Variants in KIF26B observed in about 807,000 individuals in gnomAD.
KIF26B encodes kinesin-like protein KIF26B.
KIF26B carries 63 observed loss-of-function variants against 151.2 expected under a neutral mutation model. That is an observed-to-expected ratio of 0.42 (90% CI 0.34 to 0.51). The LOEUF is 0.51. KIF26B is among the 20% of genes least tolerant of loss of function. The probability of loss-of-function intolerance (pLI) is 0.07; values close to 1 mark genes in which losing one functional copy is unlikely to be tolerated. For synonymous variants in KIF26B, 1,357 were observed against 1,262.1 expected, an observed-to-expected ratio of 1.08 and a Z score of -1.59; for missense variants, 2,813 against 2,913.6, an observed-to-expected ratio of 0.97 and a Z score of 0.79.
intron 2 of KIF26B, among the ~76,000 whole-genome samples, chr1:245,330,306 G>T (rs1012653508): frequency 1.5e-4 from 21 of 142,516 alleles, no homozygotes; most frequent in African/African-American, 5.3e-4. Flanking sequence ...GGTGTGAGGG[G>T]CAGTCACATG....
chr1:245,464,572 G>T (rs1201547106), intron 4 of KIF26B, among the ~76,000 whole-genome samples: 1 of 145,178 alleles, frequency 6.9e-6, no homozygotes, highest in Non-Finnish European at 1.5e-5. Context: ...TGGGTGTGTG[G>T]GTGTGTGTGC....
At chr1:245,460,227 A>G (rs1279896713) in intron 4 of KIF26B, among the ~76,000 whole-genome samples, 1 of 152,158 alleles carries the variant, frequency 6.6e-6, no homozygotes, top group Non-Finnish European at 1.5e-5. Flanking sequence ...CGGCCTCCCA[A>G]AGTGCTGGGA....
intron 3 of KIF26B, among the ~76,000 whole-genome samples, chr1:245,373,403 C>G (rs1284041755): frequency 6.6e-6 from 1 of 152,158 alleles, no homozygotes; most frequent in Non-Finnish European, 1.5e-5. Context: ...TGGAAAGAAC[C>G]TCGCTGGCAT....
At chr1:245,685,238 C>T (rs755999743) in intron 11 of KIF26B, among the ~76,000 whole-genome samples, 167 bp from the exon 12 acceptor site, 20 of 152,210 alleles carry the variant, frequency 1.3e-4, no homozygotes, top group Non-Finnish European at 2.2e-4. Context: ...GATGTGACAC[C>T]GGGCGCGCGG....
At chr1:245,541,018 G>C (rs537545801) in intron 5 of KIF26B, 68 bp downstream of exon 5, 1 of 1,293,558 alleles carries the variant, frequency 7.7e-7, no homozygotes, top group African/African-American at 1.5e-5. Context: ...TCAGGAGGAA[G>C]AAAATGAGGC....
At chr1:245,304,689 A>ATC (rs1671503124) in intron 2 of KIF26B, among the ~76,000 whole-genome samples, 1 of 139,430 alleles carries the variant, frequency 7.2e-6, no homozygotes, top group Non-Finnish European at 1.6e-5. Flanking sequence ...ATCCATCCAT[A>ATC]CGTCCATCCC....
At chr1:245,665,000 C>G (rs2044198273) in intron 10 of KIF26B, among the ~76,000 whole-genome samples, 1 of 152,208 alleles carries the variant, frequency 6.6e-6, no homozygotes, top group African/African-American at 2.4e-5. Flanking sequence ...TGAATTTATT[C>G]ATACAACCAC....
intron 5 of KIF26B, among the ~76,000 whole-genome samples, chr1:245,548,315 A>T (rs1049662668): frequency 1.3e-5 from 2 of 152,174 alleles, no homozygotes; most frequent in African/African-American, 4.8e-5. Context: ...GTCCGTGTGA[A>T]GTCTTGATGG....
At chr1:245,567,232 G>A (rs538837774) in intron 5 of KIF26B, among the ~76,000 whole-genome samples, 10 of 152,290 alleles carry the variant, frequency 6.6e-5, no homozygotes, top group East Asian at 1.9e-4. Context: ...AGATGCTGCC[G>A]GGTGGACTGT....
intron 9 of KIF26B, among the ~76,000 whole-genome samples, chr1:245,622,929 CTGA>C (rs1047435374): frequency 2.0e-5 from 3 of 151,598 alleles, no homozygotes; most frequent in African/African-American, 7.3e-5. Context: ...CTTCGTGGAG[CTGA>C]TGGAGGCCGC....
chr1:245,529,394 G>C (rs925556264), intron 4 of KIF26B, among the ~76,000 whole-genome samples: 1 of 152,148 alleles, frequency 6.6e-6, no homozygotes, highest in South Asian at 2.1e-4. Flanking sequence ...CAGAAACAGA[G>C]GCAGAGGGTG....
At chr1:245,191,507 T>A (rs1455188414) in intron 2 of KIF26B, among the ~76,000 whole-genome samples, 1 of 151,888 alleles carries the variant, frequency 6.6e-6, no homozygotes, top group Non-Finnish European at 1.5e-5. Flanking sequence ...ATTAAATATA[T>A]ATAAAAAAAT....
At position 245,687,306 on chromosome 1, in the gene KIF26B, G is replaced by A. The variant is rs2044542015; in HGVS notation, c.4323G>A (p.Trp1441Ter). ...AKKEMKFEDP[W>*]LKREEEVKKE... ...AAGAGATGAAATTTGAGGACCCGTG[G>A]CTGAAACGAGAAGAGGAAGTGAAAA... Residue 1441 changes from tryptophan (W) to a stop codon, truncating the protein, a stop_gained, in exon 12 of 15, where the codon TGG (tryptophan) becomes TGA (stop). Transcript: ENST00000407071. LOFTEE classifies it high-confidence loss of function. The surrounding 1 kb of genome is among the most constrained non-coding windows in gnomAD (Gnocchi z 4.9). 6.2e-7 allele frequency: 1 copy of A among 1,605,518 alleles called. No homozygotes were observed. Among genetic ancestry groups the A allele is most frequent in the Admixed American group, 1.7e-5 (1 of 58,552 alleles).
At chr1:245,598,196 T>C (rs1266666569) in intron 5 of KIF26B, among the ~76,000 whole-genome samples, 1 of 152,142 alleles carries the variant, frequency 6.6e-6, no homozygotes, top group African/African-American at 2.4e-5. Context: ...ACACTCTTAC[T>C]GGGCATTTAT....
intron 9 of KIF26B, among the ~76,000 whole-genome samples, chr1:245,628,250 A>G (rs966987977): frequency 6.7e-6 from 1 of 150,212 alleles, no homozygotes; most frequent in Non-Finnish European, 1.5e-5. Flanking sequence ...TAGGGGAGCC[A>G]AGCAGGTGGA....
At chr1:245,492,002 C>T (rs1416014565) in intron 4 of KIF26B, among the ~76,000 whole-genome samples, 1 of 152,186 alleles carries the variant, frequency 6.6e-6, no homozygotes. Flanking sequence ...TTTCTCTTCA[C>T]CTCAGTTTCT....
At chr1:245,581,281 C>G (rs567335233) in intron 5 of KIF26B, among the ~76,000 whole-genome samples, 1 of 152,358 alleles carries the variant, frequency 6.6e-6, no homozygotes, top group South Asian at 2.1e-4. Flanking sequence ...TCACCAGGCT[C>G]TCTATGCCCA....
At chr1:245,177,437 G>A (rs2103525709) in intron 2 of KIF26B, among the ~76,000 whole-genome samples, 1 of 152,268 alleles carries the variant, frequency 6.6e-6, no homozygotes, top group Admixed American at 6.5e-5. Context: ...TCAAACTTCT[G>A]AAGAACCTGG....
intron 5 of KIF26B, among the ~76,000 whole-genome samples, chr1:245,582,682 A>G (rs183366283): frequency 4.2e-4 from 64 of 152,276 alleles, no homozygotes; most frequent in Non-Finnish European, 7.8e-4. Flanking sequence ...TAGAAAAGAA[A>G]ATGCACAGGA....
Sources: gnomAD v4.1 joint callset for allele counts (sites outside exome capture counted in the v4.1 genomes callset) on GRCh38, gnomAD v4.1.1 for gene constraint, Gnocchi (gnomAD v3.1) non-coding constraint, MANE v1.5 for transcripts, NCBI Gene and HGNC (gene_info 2026-07-23, HGNC 2026-07-21) for gene names.